VDAC1: variants seen among roughly 807,000 people sequenced by gnomAD.
The protein encoded by VDAC1 is voltage dependent anion channel 1.
Under a neutral mutation model 34.7 loss-of-function variants are expected in VDAC1, and 10 were observed. The observed-to-expected ratio is 0.29, with a 90% CI of 0.18 to 0.49. The LOEUF is 0.49. VDAC1 is among the 20% of genes least tolerant of loss of function. The probability of loss-of-function intolerance (pLI) is 0.99; values close to 1 mark genes in which losing one functional copy is unlikely to be tolerated. For synonymous variants in VDAC1, 130 were observed against 136.0 expected, an observed-to-expected ratio of 0.96 and a Z score of 0.30; for missense variants, 230 against 347.9, an observed-to-expected ratio of 0.66 and a Z score of 2.69.
chr5:134,040,550 G>A, the VDAC1 span, among the ~76,000 whole-genome samples: 1 of 151,798 alleles, frequency 6.6e-6, no homozygotes, highest in Non-Finnish European at 1.5e-5. Context: ...ACTCCAGCCT[G>A]GGTGACAGAG....
chr5:134,030,143 C>G, the VDAC1 span, among the ~76,000 whole-genome samples: 5 of 151,994 alleles, frequency 3.3e-5, no homozygotes, highest in African/African-American at 1.2e-4. Context: ...GACTTTGAGA[C>G]CAGCCTGACC....
At chr5:134,042,416 C>G in the VDAC1 span, among the ~76,000 whole-genome samples, 1 of 152,212 alleles carries the variant, frequency 6.6e-6, no homozygotes, top group Non-Finnish European at 1.5e-5. Context: ...GCTAGGTGAC[C>G]TGCCCCGTGG....
intron 5 of VDAC1, among the ~76,000 whole-genome samples, chr5:133,983,314 T>C (rs1002914213): frequency 2.0e-5 from 3 of 152,178 alleles, no homozygotes; most frequent in Admixed American, 6.5e-5. Flanking sequence ...ATCATGGTTA[T>C]GCTCCTTTAA....
chr5:134,022,505 A>C, the VDAC1 span, among the ~76,000 whole-genome samples: 1 of 152,226 alleles, frequency 6.6e-6, no homozygotes, highest in Non-Finnish European at 1.5e-5. Flanking sequence ...CCCATTTCCC[A>C]AAATAACAAG....
the VDAC1 span, among the ~76,000 whole-genome samples, chr5:134,109,683 T>C: frequency 1.5e-4 from 22 of 151,166 alleles, no homozygotes; most frequent in African/African-American, 4.9e-4. Flanking sequence ...GGTAGGAGAA[T>C]TGCTTGAACC....
the VDAC1 span, among the ~76,000 whole-genome samples, chr5:134,069,657 T>A: frequency 6.6e-6 from 1 of 152,176 alleles, no homozygotes; most frequent in Admixed American, 6.5e-5. Context: ...CGTTTCTCTT[T>A]ATTTCTCTAC....
the VDAC1 span, among the ~76,000 whole-genome samples, chr5:134,083,576 T>C: frequency 6.6e-6 from 1 of 152,238 alleles, no homozygotes; most frequent in African/African-American, 2.4e-5. Flanking sequence ...ACTGTACTTC[T>C]GTGCTCTAAG....
At chr5:134,038,458 A>G in the VDAC1 span, among the ~76,000 whole-genome samples, 127 of 152,296 alleles carry the variant, frequency 8.3e-4, no homozygotes, top group African/African-American at 2.7e-3. Flanking sequence ...GGCAGAGCAT[A>G]CAGGGTTTTG....
intron 6 of VDAC1, among the ~76,000 whole-genome samples, chr5:133,979,679 C>T (rs536999661): frequency 1.2e-3 from 176 of 152,250 alleles, no homozygotes; most frequent in Non-Finnish European, 1.2e-3. Context: ...CCACCCGCCT[C>T]GGCCTCCCAA....
At chr5:134,083,854 C>T in the VDAC1 span, among the ~76,000 whole-genome samples, 14 of 152,286 alleles carry the variant, frequency 9.2e-5, no homozygotes, top group African/African-American at 2.2e-4. Flanking sequence ...AGAGTGGCCA[C>T]GGGCCTGAGC....
chr5:133,997,723 A>T (rs543815036), intron 1 of VDAC1, among the ~76,000 whole-genome samples: 146 of 150,464 alleles, frequency 9.7e-4, no homozygotes, highest in African/African-American at 3.3e-3. Context: ...AAAAAAAAAA[A>T]AAAAAAGAAT....
At chr5:133,989,658 CTCTT>C (rs1490221578) in intron 5 of VDAC1, among the ~76,000 whole-genome samples, 47 of 140,230 alleles carry the variant, frequency 3.4e-4, no homozygotes, top group Admixed American at 1.5e-3. Context: ...CTGCATCCGA[CTCTT>C]TTTTTTTTTT....
At chr5:134,081,784 G>A in the VDAC1 span, 1 of 152,436 alleles carries the variant, frequency 6.6e-6, no homozygotes, top group African/African-American at 2.4e-5. Context: ...CAAAAACACA[G>A]GGTCTAGCAA....
chr5:134,092,747 C>T, the VDAC1 span, among the ~76,000 whole-genome samples: 1 of 151,910 alleles, frequency 6.6e-6, no homozygotes, highest in Non-Finnish European at 1.5e-5. Context: ...CCACTGGTGT[C>T]AGATTACCCC....
At chr5:134,059,653 G>A in the VDAC1 span, among the ~76,000 whole-genome samples, 1 of 151,952 alleles carries the variant, frequency 6.6e-6, no homozygotes, top group Non-Finnish European at 1.5e-5. Context: ...ATGACAACAG[G>A]GTTTCCAGAA....
intron 8 of VDAC1, 134 bp downstream of exon 8, chr5:133,973,657 A>T: frequency 7.0e-6 from 5 of 715,576 alleles, no homozygotes; most frequent in Non-Finnish European, 1.1e-5. Context: ...ACATTTAATT[A>T]TACTTTACAT....
the VDAC1 span, among the ~76,000 whole-genome samples, chr5:134,060,416 A>T: frequency 3.9e-5 from 6 of 152,072 alleles, no homozygotes; most frequent in East Asian, 1.2e-3. Context: ...TTAGGAAACC[A>T]AAAAGCTTCC....
At chr5:134,051,911 T>G in the VDAC1 span, among the ~76,000 whole-genome samples, 1 of 152,186 alleles carries the variant, frequency 6.6e-6, no homozygotes, top group African/African-American at 2.4e-5. Context: ...TTGGCCAGGC[T>G]GGTCTTGAAC....
chr5:133,989,413 G>T (rs1753020313), intron 5 of VDAC1, among the ~76,000 whole-genome samples: 1 of 150,510 alleles, frequency 6.6e-6, no homozygotes, highest in African/African-American at 2.5e-5. Context: ...AGGCTGGAGT[G>T]CAGTGGTGCG....
Sources: allele counts gnomAD v4.1 joint callset (sites outside exome capture counted in the v4.1 genomes callset), GRCh38; gene constraint gnomAD v4.1.1; transcripts MANE v1.5; gene names NCBI Gene and HGNC (gene_info 2026-07-23, HGNC 2026-07-21).